The following ANKRD55 variants were observed in gnomAD, a reference collection of about 807,000 sequenced individuals.
ANKRD55 encodes ankyrin repeat domain-containing protein 55.
ANKRD55 carries 41 observed loss-of-function variants against 60.6 expected under a neutral mutation model. The ratio of observed to expected loss-of-function variants is 0.68; its 90% CI spans 0.53 to 0.88. The LOEUF is 0.88. ANKRD55 is among the 40% of genes least tolerant of loss of function. ANKRD55 has a pLI of 0.00. For synonymous variants in ANKRD55, 264 were observed against 290.3 expected (o/e 0.91, Z 0.92); for missense variants, 732 against 767.6 (o/e 0.95, Z 0.55).
chr5:56,130,533 C>A lies in ANKRD55; in HGVS notation c.613-3427G>T, dbSNP rs191773644. On this transcript the variant is annotated intron_variant, in intron 7 of 11. Transcript: ENST00000341048. ...CCCCCCATACTTCACCATTACATTA[C>A]TAAAGCGCTATTTACAGGAGTTCCT... 5.3e-5 allele frequency among the ~76,000 whole-genome samples: 8 copies of A among 152,298 alleles called. No homozygotes were observed. The East Asian group carries it at 1.5e-3, about 29-fold the overall frequency.
intron 5 of ANKRD55, among the ~76,000 whole-genome samples, chr5:56,168,636 T>C (rs938984895): frequency 5.9e-5 from 9 of 152,252 alleles, no homozygotes; most frequent in Admixed American, 5.9e-4. Flanking sequence ...ACTTTGGTAC[T>C]ATCTGAGGTT....
At chr5:56,169,652 G>T (rs528243054) in intron 5 of ANKRD55, among the ~76,000 whole-genome samples, 1 of 152,312 alleles carries the variant, frequency 6.6e-6, no homozygotes, top group Admixed American at 6.5e-5. Context: ...TACTGTAAAA[G>T]AGATTGAAGT....
intron 2 of ANKRD55, among the ~76,000 whole-genome samples, chr5:56,187,372 C>T (rs892359387): frequency 2.6e-5 from 4 of 152,172 alleles, no homozygotes; most frequent in South Asian, 2.1e-4. Flanking sequence ...GAGAGCACAG[C>T]GGGAGGGACA....
At chr5:56,210,422 T>C (rs377123126) in intron 2 of ANKRD55, among the ~76,000 whole-genome samples, 140 of 151,260 alleles carry the variant, frequency 9.3e-4, no homozygotes, top group African/African-American at 3.2e-3. Context: ...ATTAGCCGGG[T>C]GCGGTGGCGG....
chr5:56,170,111 G>A (rs925303423), intron 5 of ANKRD55, among the ~76,000 whole-genome samples: 3 of 152,126 alleles, frequency 2.0e-5, no homozygotes, highest in Non-Finnish European at 2.9e-5. Flanking sequence ...CTAACCCCCT[G>A]ATCTCCCTGC....
intron 8 of ANKRD55, among the ~76,000 whole-genome samples, chr5:56,118,763 G>A (rs536342207): frequency 6.6e-6 from 1 of 152,236 alleles, no homozygotes; most frequent in Non-Finnish European, 1.5e-5. Context: ...TATATGGATG[G>A]TAAATAAGCA....
rs1378330168 is a variant in ANKRD55, at chr5:56,135,254, CCTTCCTTCTT to C, written c.613-8158_613-8149del. ...TCCTTCCTTCCTTCCTTCCTTCCTT[CCTTCCTTCTT>C]TCCCTCCCTCCCTCCCTGCCTGCCT... is the stretch of plus-strand genomic sequence containing the variant. On this transcript the variant is annotated intron_variant, in intron 7 of 11. Coordinates refer to ENST00000341048, the MANE Select transcript of ANKRD55 (RefSeq NM_024669.3). Among the ~76,000 whole-genome samples, 171 of 137,478 alleles carry C rather than the reference CCTTCCTTCTT, an allele frequency of 1.2e-3. 5 individuals are homozygous for C. Among genetic ancestry groups the C allele is most frequent in the African/African-American group, 4.5e-3 (152 of 33,704 alleles). 90.2% of individuals were successfully genotyped at this position (137,478 alleles called of 152,430 possible).
chr5:56,195,851 C>G (rs890316105), intron 2 of ANKRD55, among the ~76,000 whole-genome samples: 1 of 152,142 alleles, frequency 6.6e-6, no homozygotes, highest in Non-Finnish European at 1.5e-5. Context: ...GATTACTCTG[C>G]CCACATAGTG....
chr5:56,211,010 G>A (rs1581024538), intron 2 of ANKRD55, among the ~76,000 whole-genome samples: 1 of 152,232 alleles, frequency 6.6e-6, no homozygotes, highest in East Asian at 1.9e-4. Context: ...TTGGGGAGCG[G>A]GGACCCCAGA....
chr5:56,227,130 T>C (rs1172246590), intron 2 of ANKRD55, among the ~76,000 whole-genome samples: 4 of 152,114 alleles, frequency 2.6e-5, no homozygotes, highest in Non-Finnish European at 5.9e-5. Context: ...AAATGTGGCA[T>C]GTATACACCA....
intron 4 of ANKRD55, among the ~76,000 whole-genome samples, chr5:56,172,724 G>T (rs1396897457): frequency 7.4e-6 from 1 of 135,956 alleles, no homozygotes; most frequent in East Asian, 2.1e-4. Context: ...CAGCTGTGAT[G>T]GGCATTTTTT....
intron 5 of ANKRD55, among the ~76,000 whole-genome samples, chr5:56,166,199 T>TTCCTTCCTTCCTTCTC (rs769664867): frequency 0.023 from 2,174 of 96,072 alleles, 208 homozygotes; most frequent in East Asian, 0.092. Context: ...CCTTCCTTCC[T>TTCCTTCCTTCCTTCTC]TCTCTCTCTC....
At chr5:56,141,071 A>C (rs369153014) in intron 7 of ANKRD55, among the ~76,000 whole-genome samples, 5 of 151,004 alleles carry the variant, frequency 3.3e-5, no homozygotes, top group Non-Finnish European at 5.9e-5. Flanking sequence ...TCAAAAAAAT[A>C]TATCTATCTA....
At chr5:56,190,523 A>G (rs1232821791) in intron 2 of ANKRD55, among the ~76,000 whole-genome samples, 1 of 152,178 alleles carries the variant, frequency 6.6e-6, no homozygotes, top group African/African-American at 2.4e-5. Context: ...TAAGGGTCCA[A>G]ATACATTTTT....
At chr5:56,123,144 AAGG>A (rs1166312727) in intron 8 of ANKRD55, among the ~76,000 whole-genome samples, 1 of 151,708 alleles carries the variant, frequency 6.6e-6, no homozygotes, top group Non-Finnish European at 1.5e-5. Context: ...TGGGGCAGGA[AAGG>A]AGGTCATGGA....
chr5:56,141,130 G>GTTTTTT lies in ANKRD55; in HGVS notation c.612+2665_612+2670dup, dbSNP rs33972955. On this transcript the variant is annotated intron_variant, in intron 7 of 11. Transcript: ENST00000341048. ...ATGTGTGTACATGCATGCACACACA[G>GTTTTTT]TTTTTTTTTTTTTTTTTTTTATATA... is the stretch of plus-strand genomic sequence containing the variant. Among the ~76,000 whole-genome samples, 176 of 111,724 alleles carry GTTTTTT rather than the reference G, an allele frequency of 1.6e-3. 2 individuals are homozygous for GTTTTTT. Among genetic ancestry groups the GTTTTTT allele is most frequent in the East Asian group, 3.7e-3 (14 of 3,782 alleles). 73.3% of individuals were successfully genotyped at this position (111,724 alleles called of 152,430 possible).
intron 4 of ANKRD55, among the ~76,000 whole-genome samples, chr5:56,172,502 G>A (rs1326026861): frequency 2.0e-5 from 3 of 152,122 alleles, no homozygotes; most frequent in African/African-American, 4.8e-5. Context: ...ATCTTTTGGT[G>A]GGGGAAAGTT....
intron 2 of ANKRD55, chr5:56,192,988 A>G (rs1759137691): frequency 1.1e-6 from 1 of 892,562 alleles, no homozygotes; most frequent in African/African-American, 1.7e-5. Flanking sequence ...ACTGGAAAAC[A>G]ATTAAACCTT....
At chr5:56,117,341 T>C (rs1580947557) in intron 8 of ANKRD55, among the ~76,000 whole-genome samples, 1 of 152,242 alleles carries the variant, frequency 6.6e-6, no homozygotes, top group East Asian at 1.9e-4. Flanking sequence ...AAAGTATAAG[T>C]GTTTTTCTTA....
Sources: allele counts gnomAD v4.1 joint callset (sites outside exome capture counted in the v4.1 genomes callset), GRCh38; gene constraint gnomAD v4.1.1; transcripts MANE v1.5; gene names NCBI Gene and HGNC (gene_info 2026-07-23, HGNC 2026-07-21).